Variants in TCF4 observed in about 807,000 individuals in gnomAD.
TCF4 encodes transcription factor 4.
Under a neutral mutation model 82.1 loss-of-function variants are expected in TCF4, and 3 were observed. The observed-to-expected ratio is 0.04, with a 90% CI of 0.02 to 0.09. The LOEUF is 0.09. TCF4 is among the 10% of genes least tolerant of loss of function. The probability of loss-of-function intolerance (pLI) is 1.00; values close to 1 mark genes in which losing one functional copy is unlikely to be tolerated. For synonymous variants in TCF4, 276 were observed against 309.6 expected, an observed-to-expected ratio of 0.89 and a Z score of 1.14; for missense variants, 518 against 852.7, an observed-to-expected ratio of 0.61 and a Z score of 4.89.
At chr18:55,255,572 A>C (rs192424608) in intron 14 of TCF4, among the ~76,000 whole-genome samples, 42 of 152,312 alleles carry the variant, frequency 2.8e-4, no homozygotes, top group African/African-American at 8.9e-4. Context: ...GTATGTATTC[A>C]TTTTAAAAAC....
intron 5 of TCF4, among the ~76,000 whole-genome samples, chr18:55,434,763 C>CGTGTGTGTGTGTGT (rs527450659): frequency 0.1 from 13,568 of 131,582 alleles, 982 homozygotes; most frequent in Non-Finnish European, 0.13. Context: ...CTCAAGTATT[C>CGTGTGTGTGTGTGT]GTGTGTGTGT....
intron 8 of TCF4, among the ~76,000 whole-genome samples, chr18:55,282,570 C>G (rs1164817979): frequency 6.6e-6 from 1 of 151,950 alleles, no homozygotes; most frequent in East Asian, 1.9e-4. Flanking sequence ...AAAGCTCATA[C>G]CCATTCAGTT....
intron 3 of TCF4, among the ~76,000 whole-genome samples, chr18:55,516,532 G>A (rs1401784399): frequency 6.6e-6 from 1 of 152,144 alleles, no homozygotes; most frequent in African/African-American, 2.4e-5. Flanking sequence ...GAGCAGGATG[G>A]AGAGTGATCC....
chr18:55,618,826 A>G (rs542928200), intron 2 of TCF4, among the ~76,000 whole-genome samples: 20 of 151,222 alleles, frequency 1.3e-4, no homozygotes, highest in Non-Finnish European at 2.8e-4. Flanking sequence ...GGCTCAGGCT[A>G]TCCTCCTGCC....
intron 3 of TCF4, among the ~76,000 whole-genome samples, chr18:55,491,839 C>G (rs986410306): frequency 6.6e-6 from 1 of 152,060 alleles, no homozygotes; most frequent in Non-Finnish European, 1.5e-5. Flanking sequence ...CGTTAAAACT[C>G]TGGTATGCCA....
chr18:55,275,537 T>C, intron 10 of TCF4, 82 bp downstream of exon 10: 1 of 1,588,826 alleles, frequency 6.3e-7, no homozygotes, highest in Admixed American at 1.7e-5. Flanking sequence ...TGCAGAGTCC[T>C]TGTGTATATG....
At chr18:55,522,975 T>C (rs1183201505) in intron 3 of TCF4, among the ~76,000 whole-genome samples, 1 of 152,038 alleles carries the variant, frequency 6.6e-6, no homozygotes, top group African/African-American at 2.4e-5. Context: ...ACTAAGAGTA[T>C]AAGAAATTTT....
At chr18:55,401,092 C>T (rs1335154066) in intron 6 of TCF4, 2 of 1,288,914 alleles carry the variant, frequency 1.6e-6, no homozygotes, top group Non-Finnish European at 2.0e-6. Flanking sequence ...CTTTGGTTTG[C>T]ATAGCTGATG....
At chr18:55,621,366 C>A (rs1300106985) in intron 2 of TCF4, among the ~76,000 whole-genome samples, 2 of 131,484 alleles carry the variant, frequency 1.5e-5, no homozygotes, top group East Asian at 2.1e-4. Flanking sequence ...AAGATACTTT[C>A]TTTAAACTTA....
At chr18:55,543,916 G>C (rs2097184562) in intron 3 of TCF4, among the ~76,000 whole-genome samples, 1 of 152,058 alleles carries the variant, frequency 6.6e-6, no homozygotes, top group African/African-American at 2.4e-5. Flanking sequence ...ATGTATGGAA[G>C]AAAAGTCTGG....
intron 6 of TCF4, among the ~76,000 whole-genome samples, chr18:55,361,554 G>A (rs1435286432): frequency 6.6e-6 from 1 of 152,140 alleles, no homozygotes; most frequent in Non-Finnish European, 1.5e-5. Context: ...TTCCACAGCA[G>A]AGAAGCCACT....
rs146469459 is a variant in TCF4 at position 55,379,664 on chromosome 18, G to A, written c.369+23790C>T. Among the ~76,000 whole-genome samples the A allele has an allele frequency of 1.2e-4, 18 of 152,158 alleles. No individual in the cohort carries two copies. The East Asian group carries it at 2.1e-3, about 18-fold the overall frequency. On this transcript the variant is annotated intron_variant, in intron 6 of 19. Coordinates refer to ENST00000354452, the MANE Select transcript of TCF4 (RefSeq NM_001083962.2). ...AATAGTTAATTCAGTTAATTTACTC[G>A]GCTTGATGATCATTTTCAATGCTCT...
upstream of TCF4, chr18:55,588,640 G>C: frequency 7.1e-7 from 1 of 1,412,466 alleles, no homozygotes; most frequent in Non-Finnish European, 9.2e-7. Context: ...GGCAAAGCAA[G>C]TTTATACTAG....
intron 2 of TCF4, among the ~76,000 whole-genome samples, chr18:55,596,515 C>T (rs2097691090): frequency 6.6e-6 from 1 of 152,194 alleles, no homozygotes; most frequent in Non-Finnish European, 1.5e-5. Flanking sequence ...GATACATATG[C>T]TTTAATGCCA....
At chr18:55,430,922 G>A (rs546130746) in intron 5 of TCF4, among the ~76,000 whole-genome samples, 2 of 152,212 alleles carry the variant, frequency 1.3e-5, no homozygotes, top group East Asian at 1.9e-4. Flanking sequence ...ATCACATTTC[G>A]CCGAGAAACC....
chr18:55,438,747 C>T (rs1479295173), intron 5 of TCF4, among the ~76,000 whole-genome samples: 1 of 152,234 alleles, frequency 6.6e-6, no homozygotes, highest in African/African-American at 2.4e-5. Context: ...CCCTCTCCTA[C>T]ACACTCAGAA....
Position 55,281,552 on chromosome 18 carries a change from C to T in TCF4, c.550-1896G>A, listed in dbSNP as rs554477155. 3.3e-5 allele frequency among the ~76,000 whole-genome samples: 5 copies of T among 152,032 alleles called. 1 individual carries two copies. The South Asian group carries it at 6.2e-4, about 19-fold the overall frequency. ...TTATTATAAAACTAAAAAGAATCTC[C>T]GACCCATATTATTAAATCATCTTAT... On this transcript the variant is annotated intron_variant, in intron 8 of 19. Coordinates refer to ENST00000354452, the MANE Select transcript of TCF4 (RefSeq NM_001083962.2).
intron 6 of TCF4, among the ~76,000 whole-genome samples, chr18:55,380,525 C>T (rs914589484): frequency 6.6e-6 from 1 of 152,144 alleles, no homozygotes; most frequent in African/African-American, 2.4e-5. Context: ...CCAAAGGCTT[C>T]ACCTCCTAAC....
At position 55,415,549 on chromosome 18, in the gene TCF4, G is replaced by T. The variant is rs558414346; in HGVS notation, c.305-12031C>A. ...GTACTAAGTCTCACCAAATCTGTAT[G>T]GGGGAGGAGGGGTACAGTCAGCCGA... On this transcript the variant is annotated intron_variant, in intron 5 of 19. Coordinates refer to ENST00000354452, the MANE Select transcript of TCF4 (RefSeq NM_001083962.2). Among the ~76,000 whole-genome samples the T allele has an allele frequency of 9.2e-5, 14 of 152,304 alleles. No individual in the cohort carries two copies. In the South Asian group the frequency reaches 2.9e-3, roughly 32 times the overall value.
Sources: gnomAD v4.1 joint callset for allele counts (sites outside exome capture counted in the v4.1 genomes callset) on GRCh38, gnomAD v4.1.1 for gene constraint, MANE v1.5 for transcripts, NCBI Gene and HGNC (gene_info 2026-07-23, HGNC 2026-07-21) for gene names.